ILRUN: variants seen among roughly 807,000 people sequenced by gnomAD.
The protein encoded by ILRUN is inflammation and lipid regulator with UBA-like and NBR1-like domains, also known as protein ILRUN.
In ILRUN, 3 loss-of-function variants were observed where a neutral mutation model predicts 33.8. The ratio of observed to expected loss-of-function variants is 0.09; its 90% CI spans 0.04 to 0.23. The LOEUF is 0.23. Ranked by LOEUF, ILRUN falls within the 10% of genes least tolerant of loss-of-function variation. The pLI is 1.00. For synonymous variants in ILRUN, 124 were observed against 138.9 expected (o/e 0.89, Z 0.75); for missense variants, 210 against 375.1 (o/e 0.56, Z 3.64).
chr6:34,693,727 C>A (rs942345146), intron 1 of ILRUN, among the ~76,000 whole-genome samples: 1 of 149,450 alleles, frequency 6.7e-6, no homozygotes, highest in Non-Finnish European at 1.5e-5. Flanking sequence ...AGTGCAGTGG[C>A]GCAATCTCGG....
intron 3 of ILRUN, among the ~76,000 whole-genome samples, chr6:34,637,292 A>G (rs531056679): frequency 2.0e-5 from 3 of 152,334 alleles, no homozygotes; most frequent in Admixed American, 6.5e-5. Flanking sequence ...TTATGCTGAA[A>G]TATGTCATCT....
At chr6:34,642,826 A>T (rs1762498836) in intron 3 of ILRUN, among the ~76,000 whole-genome samples, 1 of 35,142 alleles carries the variant, frequency 2.8e-5, no homozygotes, top group African/African-American at 1.7e-4. Context: ...CGTCTCTACC[A>T]AAAAAAAAAA....
chr6:34,637,655 A>G (rs1390772116), intron 3 of ILRUN, among the ~76,000 whole-genome samples: 1 of 152,240 alleles, frequency 6.6e-6, no homozygotes, highest in Non-Finnish European at 1.5e-5. Flanking sequence ...CCAAGTGACT[A>G]GGCAGTGAAA....
intron 1 of ILRUN, among the ~76,000 whole-genome samples, chr6:34,670,840 G>A (rs1171680050): frequency 8.1e-6 from 1 of 123,428 alleles, no homozygotes; most frequent in African/African-American, 3.1e-5. Flanking sequence ...GTGAGACCCT[G>A]TCTCAAAAAA....
chr6:34,588,004 G>C lies in ILRUN; in HGVS notation c.*2561C>G, dbSNP rs1018726871. ...GGAGCAGGGACTATTGGGGCTGAGA[G>C]GTAGCCACTACCACCCCACTAGGCA... On this transcript the variant is annotated 3_prime_UTR_variant, in exon 5 of 5. Transcript: ENST00000374023. 2 of 398,416 alleles carry C rather than the reference G, an allele frequency of 5.0e-6. No individual in the cohort carries two copies. Among genetic ancestry groups the C allele is most frequent in the African/African-American group, 4.1e-5 (2 of 48,636 alleles). 24.7% of individuals were successfully genotyped at this position (398,416 alleles called of 1,614,324 possible).
chr6:34,607,956 G>T (rs1240717360), intron 3 of ILRUN, among the ~76,000 whole-genome samples: 1 of 152,108 alleles, frequency 6.6e-6, no homozygotes, highest in Non-Finnish European at 1.5e-5. Context: ...AGCTGGCCGT[G>T]GTGGTGCTCG....
intron 2 of ILRUN, among the ~76,000 whole-genome samples, chr6:34,649,406 G>GC (rs1762617985): frequency 1.3e-5 from 2 of 152,004 alleles, no homozygotes; most frequent in South Asian, 4.2e-4. Context: ...GATTAATGGG[G>GC]GATAGATTTC....
chr6:34,655,815 C>T (rs943854605), intron 1 of ILRUN, among the ~76,000 whole-genome samples: 2 of 151,974 alleles, frequency 1.3e-5, no homozygotes, highest in Admixed American at 6.6e-5. Context: ...AAGAGTACGC[C>T]TATTTTCCCC....
chr6:34,660,798 T>C (rs1359230606), intron 1 of ILRUN, among the ~76,000 whole-genome samples: 1 of 152,184 alleles, frequency 6.6e-6, no homozygotes, highest in African/African-American at 2.4e-5. Context: ...CTACTATGAA[T>C]TTTAAAGCCT....
At chr6:34,637,821 T>A (rs1371841676) in intron 3 of ILRUN, among the ~76,000 whole-genome samples, 1 of 151,772 alleles carries the variant, frequency 6.6e-6, no homozygotes, top group Admixed American at 6.6e-5. Flanking sequence ...AACAGTACAG[T>A]CATTTCACAT....
chr6:34,660,662 A>C (rs922030470), intron 1 of ILRUN, among the ~76,000 whole-genome samples: 1 of 152,148 alleles, frequency 6.6e-6, no homozygotes, highest in Non-Finnish European at 1.5e-5. Flanking sequence ...GAATGACCAA[A>C]AAGGTAATTT....
intron 2 of ILRUN, among the ~76,000 whole-genome samples, chr6:34,652,695 A>G (rs1762693622): frequency 6.6e-6 from 1 of 152,122 alleles, no homozygotes; most frequent in African/African-American, 2.4e-5. Context: ...TAGACAGGGC[A>G]CCCCCACAAA....
intron 1 of ILRUN, among the ~76,000 whole-genome samples, chr6:34,678,294 G>C (rs1004698379): frequency 1.3e-5 from 2 of 152,142 alleles, no homozygotes; most frequent in African/African-American, 2.4e-5. Flanking sequence ...ACCCGCCTTG[G>C]CCTCCCAAAG....
intron 1 of ILRUN, among the ~76,000 whole-genome samples, chr6:34,679,148 G>GA (rs61550299): frequency 0.26 from 35,258 of 136,372 alleles, 4,371 homozygotes; most frequent in East Asian, 0.34. Context: ...AAATTGGGAG[G>GA]AAAAAAAAAA....
rs893074020 is a variant in ILRUN, at chr6:34,691,751, G to C, written c.158+4695C>G. On this transcript the variant is annotated intron_variant, in intron 1 of 4. Coordinates refer to ENST00000374023, the MANE Select transcript of ILRUN (RefSeq NM_024294.4). The stretch of plus-strand genomic sequence containing the variant: ...GCAGAGGTTGCAGTGAGCCAAGATC[G>C]CACCACTGCACTCCGGCCTGGGCGA... 1.4e-3 allele frequency among the ~76,000 whole-genome samples: 209 copies of C among 151,686 alleles called. 1 individual carries two copies. The highest frequency in any genetic ancestry group is 4.9e-3 in the African/African-American group (202 of 41,264).
chr6:34,696,737 T>TAC lies in ILRUN; in HGVS notation c.-135_-134insGT. On this transcript the variant is annotated 5_prime_UTR_variant, in exon 1 of 5. Coordinates refer to ENST00000374023, the MANE Select transcript of ILRUN (RefSeq NM_024294.4). Reference sequence around the variant, plus strand: ...GCTCCTTTGAGGTAGGCCCCGGGCCTCTCACAGTCTCATAGGGGTAAACTC... The same window carrying TAC: ...GCTCCTTTGAGGTAGGCCCCGGGCCTACCTCACAGTCTCATAGGGGTAAACTC... The TAC allele has an allele frequency of 1.3e-6, 1 of 780,712 alleles. No homozygotes were observed. Among genetic ancestry groups the TAC allele is most frequent in the Non-Finnish European group, 2.0e-6 (1 of 499,422 alleles). The allele number at this position is 780,712 out of a possible 1,614,324, so 48.4% of individuals were successfully genotyped here.
chr6:34,598,046 A>G (rs966369446), intron 4 of ILRUN, among the ~76,000 whole-genome samples: 2 of 152,130 alleles, frequency 1.3e-5, no homozygotes, highest in African/African-American at 4.8e-5. Flanking sequence ...ATTCTTTCCT[A>G]TGGATTGGTC....
At chr6:34,665,211 T>C (rs1177922231) in intron 1 of ILRUN, among the ~76,000 whole-genome samples, 4 of 143,432 alleles carry the variant, frequency 2.8e-5, no homozygotes, top group Non-Finnish European at 6.0e-5. Context: ...ATCCCAGCAC[T>C]CTGGGAGGCT....
rs1761319514 is a variant in ILRUN at position 34,592,666 on chromosome 6, C to T, written c.862-2066G>A. Among the ~76,000 whole-genome samples, 1 of 152,082 alleles carries T rather than the reference C, an allele frequency of 6.6e-6. No individual in the cohort carries two copies. Among genetic ancestry groups the T allele is most frequent in the Admixed American group, 6.6e-5 (1 of 15,264 alleles). ...ATGAGCCACTGCGCCTGGCCTTTGC[C>T]ATTACTTTTAATGGCAAAAAATGCA... is the stretch of plus-strand genomic sequence containing the variant. On this transcript the variant is annotated intron_variant, in intron 4 of 4. Transcript: ENST00000374023. The surrounding 1 kb of genome is among the most constrained non-coding windows in gnomAD (Gnocchi z 4.0).
Sources: allele counts gnomAD v4.1 joint callset (sites outside exome capture counted in the v4.1 genomes callset), GRCh38; gene constraint gnomAD v4.1.1; non-coding constraint Gnocchi (gnomAD v3.1); transcripts MANE v1.5; gene names NCBI Gene and HGNC (gene_info 2026-07-23, HGNC 2026-07-21).